Variants in SFSWAP observed in about 807,000 individuals in gnomAD.
The protein encoded by SFSWAP is splicing factor SWAP.
SFSWAP carries 17 observed loss-of-function variants against 100.7 expected under a neutral mutation model. The ratio of observed to expected loss-of-function variants is 0.17; its 90% CI spans 0.12 to 0.25. The LOEUF (loss-of-function observed/expected upper bound fraction) is 0.25. Ranked by LOEUF, SFSWAP falls within the 10% of genes least tolerant of loss-of-function variation. The pLI is 1.00. For missense variants in SFSWAP, 1,005 were observed against 1,262.6 expected, an observed-to-expected ratio of 0.80 and a Z score of 3.09; for synonymous variants, 504 against 510.1, an observed-to-expected ratio of 0.99 and a Z score of 0.16.
In SFSWAP at chr12:131,778,193, A is replaced by G; in HGVS notation, c.2271A>G (p.Lys757=). ...CGAGAGAAGAAGAGAAAGAAAAGAAAAAGAAAAAGCACAAAAAAAGATCTC... is the reference window on the plus strand; with the variant it reads ...CGAGAGAAGAAGAGAAAGAAAAGAAGAAGAAAAAGCACAAAAAAAGATCTC... The part of the protein sequence containing the change: ...DPPREEEKEK[K]KKKHKKRSRT... Residue 757 remains lysine, a synonymous_variant, in exon 14 of 18, where the codon AAA becomes AAG. Transcript: ENST00000261674. This position sits in a 1 kb window ranked among gnomAD's most constrained non-coding sequence, Gnocchi z 4.2. 6.2e-7 allele frequency: 1 copy of G among 1,614,102 alleles called. No individual in the cohort carries two copies. The highest frequency in any genetic ancestry group is 1.1e-5 in the South Asian group (1 of 91,076).
chr12:131,721,494 G>T (rs1344718235), intron 4 of SFSWAP, among the ~76,000 whole-genome samples: 1 of 152,112 alleles, frequency 6.6e-6, no homozygotes, highest in Non-Finnish European at 1.5e-5. Context: ...AAAAATCACA[G>T]TTGCTCCATT....
At chr12:131,753,525 G>A in intron 8 of SFSWAP, 162 bp downstream of exon 8, 10 of 993,282 alleles carry the variant, frequency 1.0e-5, no homozygotes, top group Non-Finnish European at 1.4e-5. Flanking sequence ...AAAGTTGACA[G>A]GAAAACAGAA....
At chr12:131,721,880 GTC>G (rs1336870865) in intron 4 of SFSWAP, among the ~76,000 whole-genome samples, 14 of 152,198 alleles carry the variant, frequency 9.2e-5, no homozygotes, top group African/African-American at 3.4e-4. Context: ...GCTTGATTGA[GTC>G]TCTCATTTGC....
At chr12:131,762,250 A>T (rs1195051200) in intron 11 of SFSWAP, among the ~76,000 whole-genome samples, 1 of 152,010 alleles carries the variant, frequency 6.6e-6, no homozygotes, top group Non-Finnish European at 1.5e-5. Context: ...AAAACAAAAA[A>T]AAAGTCTACT....
chr12:131,769,518 A>G (rs1441892075), intron 13 of SFSWAP, among the ~76,000 whole-genome samples: 1 of 152,254 alleles, frequency 6.6e-6, no homozygotes, highest in Non-Finnish European at 1.5e-5. Context: ...AGTTTTTCCC[A>G]ATCTGCTGTA....
intron 10 of SFSWAP, among the ~76,000 whole-genome samples, chr12:131,756,014 A>T (rs1882124390): frequency 6.6e-6 from 1 of 152,148 alleles, no homozygotes; most frequent in Non-Finnish European, 1.5e-5. Flanking sequence ...TGCTCTTCTC[A>T]GTTATATAGA....
In SFSWAP at chr12:131,734,582, G is replaced by C. The variant is rs1367113717; in HGVS notation, c.1081+6154G>C. On this transcript the variant is annotated intron_variant, in intron 7 of 17. Coordinates refer to ENST00000261674, the MANE Select transcript of SFSWAP (RefSeq NM_004592.4). This position sits in a 1 kb window ranked among gnomAD's most constrained non-coding sequence, Gnocchi z 4.9. ...CATGTTTGAATGCCCTGTGGACCCG[G>C]AGCTCTGTGAGGCAAAGGCTGGGAC... 6.6e-6 allele frequency among the ~76,000 whole-genome samples: 1 copy of C among 152,210 alleles called. No homozygotes were observed. Among genetic ancestry groups the C allele is most frequent in the Non-Finnish European group, 1.5e-5 (1 of 68,044 alleles).
At chr12:131,741,735 C>T (rs549316623) in intron 7 of SFSWAP, among the ~76,000 whole-genome samples, 1 of 152,010 alleles carries the variant, frequency 6.6e-6, no homozygotes, top group South Asian at 2.1e-4. Flanking sequence ...ACAGCCTCCC[C>T]CTCTGTTGCA....
rs563687292 is a variant in SFSWAP at position 131,713,982 on chromosome 12, G to A, written c.219-89G>A. 7.6e-5 allele frequency: 60 copies of A among 791,102 alleles called. 1 individual carries two copies. The highest frequency in any genetic ancestry group is 5.9e-4 in the African/African-American group (34 of 57,218). 49.0% of individuals were successfully genotyped at this position (791,102 alleles called of 1,614,324 possible). ...TATTTTAATCGGTAAGTATGTGTGTGTATATATATATACATATATAAAACA... is the reference window on the plus strand; with the variant it reads ...TATTTTAATCGGTAAGTATGTGTGTATATATATATATACATATATAAAACA... On this transcript the variant is annotated intron_variant, in intron 1 of 17. Coordinates refer to ENST00000261674, the MANE Select transcript of SFSWAP (RefSeq NM_004592.4).
intron 9 of SFSWAP, 88 bp downstream of exon 9, chr12:131,754,587 T>C (rs1190102628): frequency 1.0e-6 from 1 of 959,090 alleles, no homozygotes; most frequent in Non-Finnish European, 1.4e-6. Context: ...ACAGAATTAA[T>C]TTTTTTATAT....
chr12:131,789,059 C>T (rs1023010886), intron 15 of SFSWAP, among the ~76,000 whole-genome samples: 5 of 152,230 alleles, frequency 3.3e-5, no homozygotes, highest in African/African-American at 9.6e-5. Context: ...CAGCTCACTG[C>T]GGCCTCAACC....
At chr12:131,784,876 G>T in intron 14 of SFSWAP, 1 of 444,930 alleles carries the variant, frequency 2.2e-6, no homozygotes, top group Non-Finnish European at 4.0e-6. Context: ...AAATGGTATT[G>T]TATTTCAAAG....
At chr12:131,766,396 C>G in intron 13 of SFSWAP, 88 bp downstream of exon 13, 1 of 1,254,746 alleles carries the variant, frequency 8.0e-7, no homozygotes. Flanking sequence ...GCCCTAGTCT[C>G]TGGCCTGAGT....
intron 7 of SFSWAP, among the ~76,000 whole-genome samples, chr12:131,740,731 G>T (rs1191887522): frequency 6.6e-6 from 1 of 152,038 alleles, no homozygotes. Flanking sequence ...TTTTGCAGTG[G>T]TATTGTTTGG....
rs543141594 is a variant in SFSWAP, at chr12:131,729,643, G to C, written c.1081+1215G>C. Among the ~76,000 whole-genome samples, 9 of 152,304 alleles carry C rather than the reference G, an allele frequency of 5.9e-5. No homozygotes were observed. In the South Asian group the frequency reaches 1.7e-3, roughly 28 times the overall value. On this transcript the variant is annotated intron_variant, in intron 7 of 17. Transcript: ENST00000261674. ...TGAAGGTCCATGCAGGAGATCATTT[G>C]AAAGTGTTTGACGTTGGTTCCAGCG...
At chr12:131,782,477 G>A (rs1374965611) in intron 14 of SFSWAP, among the ~76,000 whole-genome samples, 1 of 152,168 alleles carries the variant, frequency 6.6e-6, no homozygotes, top group Non-Finnish European at 1.5e-5. Context: ...TGTTACAAAC[G>A]CAGCCTCCAC....
intron 7 of SFSWAP, among the ~76,000 whole-genome samples, chr12:131,743,394 A>T (rs747461994): frequency 1.3e-5 from 2 of 152,258 alleles, no homozygotes; most frequent in Admixed American, 6.5e-5. Context: ...AACCGTCCAT[A>T]TGAGAGAAAT....
chr12:131,770,129 T>G (rs1307306082), intron 13 of SFSWAP, among the ~76,000 whole-genome samples: 1 of 152,208 alleles, frequency 6.6e-6, no homozygotes, highest in African/African-American at 2.4e-5. Flanking sequence ...TCGAAAATAT[T>G]TTTAGCCTAA....
At position 131,778,316 on chromosome 12, in the gene SFSWAP, A is replaced by G; in HGVS notation, c.2394A>G (p.Thr798=). The part of the protein sequence containing the change: ...AKHSLPSAYR[T]VRRSRSRSRS... ...ATTCTCTTCCCAGTGCCTATCGGAC[A>G]GTGCGGCGGTCGAGGTGGGTGTGAA... The change falls in exon 14 of 18, where the codon ACA becomes ACG. Residue 798 remains threonine (T), a synonymous_variant. Transcript: ENST00000261674. This position sits in a 1 kb window ranked among gnomAD's most constrained non-coding sequence, Gnocchi z 4.2. The G allele has an allele frequency of 6.2e-7, 1 of 1,612,474 alleles. No individual in the cohort carries two copies. The highest frequency in any genetic ancestry group is 8.5e-7 in the Non-Finnish European group (1 of 1,178,930).
Sources: allele counts gnomAD v4.1 joint callset (sites outside exome capture counted in the v4.1 genomes callset), GRCh38; gene constraint gnomAD v4.1.1; non-coding constraint Gnocchi (gnomAD v3.1); transcripts MANE v1.5; gene names NCBI Gene and HGNC (gene_info 2026-07-23, HGNC 2026-07-21).